The following ASTN2 variants were observed in gnomAD, a reference collection of about 807,000 sequenced individuals.
The protein encoded by ASTN2 is astrotactin-2.
In ASTN2, 54 loss-of-function variants were observed where a neutral mutation model predicts 139.8. The observed-to-expected ratio is 0.39, with a 90% CI of 0.31 to 0.48. The LOEUF is 0.48. Among genes scored for constraint, ASTN2 ranks in the 20% least tolerant of loss-of-function variants. The probability of loss-of-function intolerance (pLI) is 0.95; values close to 1 mark genes in which losing one functional copy is unlikely to be tolerated. For synonymous variants in ASTN2, 756 were observed against 719.5 expected (o/e 1.05, Z -0.81); for missense variants, 1,565 against 1,725.1 (o/e 0.91, Z 1.64).
chr9:116,815,816 A>AAAAAAAAAAAAAAAAAAAAC (rs1564283204), intron 12 of ASTN2, among the ~76,000 whole-genome samples: 2 of 140,982 alleles, frequency 1.4e-5, no homozygotes, highest in African/African-American at 5.8e-5. Flanking sequence ...AAAAAAAAAA[A>AAAAAAAAAAAAAAAAAAAAC]AAAAAAAAAA....
At chr9:116,942,278 C>G (rs1022628226) in intron 10 of ASTN2, among the ~76,000 whole-genome samples, 1 of 152,182 alleles carries the variant, frequency 6.6e-6, no homozygotes, top group Non-Finnish European at 1.5e-5. Context: ...TAACCACCGT[C>G]TCAGCCCACC....
chr9:116,910,502 C>T (rs988320609), intron 10 of ASTN2, among the ~76,000 whole-genome samples: 2 of 152,174 alleles, frequency 1.3e-5, no homozygotes, highest in African/African-American at 4.8e-5. Flanking sequence ...ATTTACTTGA[C>T]ACGCTTACAT....
intron 20 of ASTN2, among the ~76,000 whole-genome samples, chr9:116,443,473 C>A (rs1847898299): frequency 6.6e-6 from 1 of 152,128 alleles, no homozygotes; most frequent in African/African-American, 2.4e-5. Context: ...TTGATGGAAG[C>A]AGACACAGCC....
chr9:116,863,762 C>A (rs1230457670), intron 10 of ASTN2, 29 bp from the exon 11 acceptor site: 1 of 1,582,200 alleles, frequency 6.3e-7, no homozygotes. Flanking sequence ...GGTTAAACCC[C>A]AGAGACATTT....
chr9:117,141,363 T>C lies in ASTN2; in HGVS notation c.1131A>G (p.Thr377=), dbSNP rs751759197. 12 of 1,367,512 alleles carry C rather than the reference T, an allele frequency of 8.8e-6. No individual in the cohort carries two copies. Among genetic ancestry groups the C allele is most frequent in the Non-Finnish European group, 1.2e-5 (12 of 1,021,812 alleles). 84.7% of individuals were successfully genotyped at this position (1,367,512 alleles called of 1,614,324 possible). A position where few individuals can be genotyped will look rare whatever the true frequency, so the allele number is the denominator to read the frequency against. ...IGQLQPPLRS[T]SAGKRKRRSK... Reference sequence around the variant, plus strand: ...TCCTCCGCTTCCTCTTCCCTGCCGATGTGCTGCGCAGGGGTGGTTGCAGCT... The same window carrying C: ...TCCTCCGCTTCCTCTTCCCTGCCGACGTGCTGCGCAGGGGTGGTTGCAGCT... The change falls in exon 4 of 23, where the codon ACA becomes ACG. Residue 377 remains threonine, a synonymous_variant. Coordinates refer to ENST00000313400, the MANE Select transcript of ASTN2 (RefSeq NM_001365068.1).
Position 116,805,769 on chromosome 9 carries a change from G to T in ASTN2, c.2259C>A (p.Leu753=). 1.2e-6 allele frequency: 2 copies of T among 1,613,914 alleles called. No individual in the cohort carries two copies. The highest frequency in any genetic ancestry group is 8.5e-7 in the Non-Finnish European group (1 of 1,179,826). ...LAPDGKSCLM[L]SDVCEGPKCL... The stretch of plus-strand genomic sequence containing the variant: ...ACTTGGGGCCCTCGCAGACATCTGA[G>T]AGCATTAAGCAGGATTTTCCATCAG... The change falls in exon 13 of 23, where the codon CTC becomes CTA. Residue 753 remains leucine (L), a synonymous_variant. Coordinates refer to ENST00000313400, the MANE Select transcript of ASTN2 (RefSeq NM_001365068.1).
chr9:117,023,383 C>A (rs1353855115), intron 6 of ASTN2, among the ~76,000 whole-genome samples: 1 of 152,158 alleles, frequency 6.6e-6, no homozygotes, highest in Admixed American at 6.6e-5. Flanking sequence ...CTGGAACACA[C>A]TTTCCTCTAC....
intron 3 of ASTN2, among the ~76,000 whole-genome samples, chr9:117,184,962 C>A (rs1038659648): frequency 2.6e-5 from 4 of 152,116 alleles, no homozygotes; most frequent in Non-Finnish European, 5.9e-5. Flanking sequence ...GAGTCCAACA[C>A]TATTAAAAGC....
intron 1 of ASTN2, among the ~76,000 whole-genome samples, chr9:117,332,689 T>C (rs116529779): frequency 3.0e-3 from 455 of 152,292 alleles, no homozygotes; most frequent in African/African-American, 8.6e-3. Flanking sequence ...CCTGCTCACA[T>C]AGATGCATAC....
At chr9:117,325,594 A>G (rs1828487958) in intron 1 of ASTN2, among the ~76,000 whole-genome samples, 1 of 152,078 alleles carries the variant, frequency 6.6e-6, no homozygotes, top group Non-Finnish European at 1.5e-5. Context: ...ATTCCCCCAT[A>G]ATTACCTGCT....
chr9:117,313,782 A>C (rs1828050305), intron 1 of ASTN2, among the ~76,000 whole-genome samples: 2 of 152,282 alleles, frequency 1.3e-5, no homozygotes, highest in South Asian at 4.2e-4. Flanking sequence ...ACAGTCCTGC[A>C]TGTGCAAGGA....
intron 20 of ASTN2, among the ~76,000 whole-genome samples, chr9:116,478,005 T>A (rs1849043886): frequency 2.3e-5 from 3 of 129,988 alleles, no homozygotes; most frequent in Non-Finnish European, 4.9e-5. Flanking sequence ...GAGGGGGAAA[T>A]AAAAGGCCAG....
At chr9:117,387,504 C>T (rs1830428749) in intron 1 of ASTN2, among the ~76,000 whole-genome samples, 1 of 152,020 alleles carries the variant, frequency 6.6e-6, no homozygotes, top group South Asian at 2.1e-4. Flanking sequence ...AGGAGTCAGT[C>T]AGGCAAAAAG....
At chr9:117,264,645 G>A (rs1833901174) in intron 2 of ASTN2, among the ~76,000 whole-genome samples, 1 of 152,128 alleles carries the variant, frequency 6.6e-6, no homozygotes, top group Non-Finnish European at 1.5e-5. Context: ...GAGAAGGAGG[G>A]AGAAAATAAA....
rs41323346 is a variant in ASTN2, at chr9:117,231,645, C to T, written c.631-16903G>A. On this transcript the variant is annotated intron_variant, in intron 2 of 22. Coordinates refer to ENST00000313400, the MANE Select transcript of ASTN2 (RefSeq NM_001365068.1). ...TCACTGGTGAAGTCCAAGAAGCCAACGGTTTAAGGAGAGTTTGGAAAGGGG... is the reference window on the plus strand; with the variant it reads ...TCACTGGTGAAGTCCAAGAAGCCAATGGTTTAAGGAGAGTTTGGAAAGGGG... Among the ~76,000 whole-genome samples, 511 of 151,442 alleles carry T rather than the reference C, an allele frequency of 3.4e-3. 2 individuals are homozygous for T. Among genetic ancestry groups the T allele is most frequent in the African/African-American group, 0.012 (489 of 41,166 alleles).
At chr9:117,039,795 G>A (rs1351484973) in intron 6 of ASTN2, 24 bp downstream of exon 6, 2 of 1,608,222 alleles carry the variant, frequency 1.2e-6, no homozygotes, top group Non-Finnish European at 1.7e-6. Context: ...TGGGTGTGGA[G>A]CATCTGCAAT....
chr9:116,904,508 G>C (rs1834103873), intron 10 of ASTN2, among the ~76,000 whole-genome samples: 1 of 152,096 alleles, frequency 6.6e-6, no homozygotes, highest in Non-Finnish European at 1.5e-5. Context: ...ACTACCTATG[G>C]GACCTCAGAC....
At chr9:117,363,667 A>G (rs1301552110) in intron 1 of ASTN2, among the ~76,000 whole-genome samples, 1 of 152,190 alleles carries the variant, frequency 6.6e-6, no homozygotes, top group Non-Finnish European at 1.5e-5. Context: ...GCTTAAAAGT[A>G]TGGGTAGGAT....
At chr9:117,064,560 C>CA (rs1436548016) in intron 5 of ASTN2, among the ~76,000 whole-genome samples, 1 of 152,102 alleles carries the variant, frequency 6.6e-6, no homozygotes, top group African/African-American at 2.4e-5. Flanking sequence ...AATAGAAAGT[C>CA]AAATACTTCC....
Sources: allele counts gnomAD v4.1 joint callset (sites outside exome capture counted in the v4.1 genomes callset), GRCh38; gene constraint gnomAD v4.1.1; transcripts MANE v1.5; gene names NCBI Gene and HGNC (gene_info 2026-07-23, HGNC 2026-07-21).